Variants in NR6A1 observed in about 807,000 individuals in gnomAD.
NR6A1 encodes the protein retinoic acid receptor-related testis-associated receptor.
In NR6A1, 7 loss-of-function variants were observed where a neutral mutation model predicts 59.1. The observed-to-expected ratio is 0.12, with a 90% CI of 0.07 to 0.22. The LOEUF (loss-of-function observed/expected upper bound fraction) is 0.22. Ranked by LOEUF, NR6A1 falls within the 10% of genes least tolerant of loss-of-function variation. NR6A1 has a pLI of 1.00. For synonymous variants in NR6A1, 243 were observed against 236.1 expected (o/e 1.03, Z -0.27); for missense variants, 468 against 611.6 (o/e 0.77, Z 2.48).
intron 2 of NR6A1, among the ~76,000 whole-genome samples, chr9:124,668,813 T>C (rs59075198): frequency 0.04 from 6,036 of 152,284 alleles, 350 homozygotes; most frequent in African/African-American, 0.12. Flanking sequence ...TGTACATCCC[T>C]GCCAGCAGGG....
intron 1 of NR6A1, among the ~76,000 whole-genome samples, chr9:124,765,833 C>G (rs552984323): frequency 2.7e-4 from 41 of 152,232 alleles, no homozygotes; most frequent in Non-Finnish European, 4.7e-4. Flanking sequence ...AACGAAATAC[C>G]GTAGGAAATG....
At chr9:124,709,069 G>C (rs1839207653) in intron 2 of NR6A1, among the ~76,000 whole-genome samples, 1 of 152,104 alleles carries the variant, frequency 6.6e-6, no homozygotes, top group African/African-American at 2.4e-5. Flanking sequence ...GCATTTCTCA[G>C]ATCCCCATCC....
At chr9:124,626,154 C>T (rs920113404) in intron 2 of NR6A1, among the ~76,000 whole-genome samples, 5 of 152,200 alleles carry the variant, frequency 3.3e-5, no homozygotes, top group Admixed American at 6.5e-5. Flanking sequence ...TACAGGCGCA[C>T]GCCACCATGC....
chr9:124,561,809 G>T (rs144411547), intron 2 of NR6A1, among the ~76,000 whole-genome samples: 40 of 152,282 alleles, frequency 2.6e-4, no homozygotes, highest in African/African-American at 9.4e-4. Flanking sequence ...CTACTCGGGA[G>T]GCTGGGGCAG....
At chr9:124,528,072 C>T (rs528082773) in intron 7 of NR6A1, among the ~76,000 whole-genome samples, 1 of 152,336 alleles carries the variant, frequency 6.6e-6, no homozygotes, top group South Asian at 2.1e-4. Flanking sequence ...GCACTACAGG[C>T]CTGTGCCAAG....
chr9:124,733,813 A>G (rs141786779), intron 1 of NR6A1, among the ~76,000 whole-genome samples: 195 of 152,362 alleles, frequency 1.3e-3, no homozygotes, highest in African/African-American at 4.6e-3. Context: ...AATATCATGT[A>G]AATTTTTCAC....
At chr9:124,700,856 G>T (rs10986403) in intron 2 of NR6A1, among the ~76,000 whole-genome samples, 5,590 of 149,136 alleles carry the variant, frequency 0.037, 329 homozygotes, top group African/African-American at 0.13. Flanking sequence ...TACCTCCCAG[G>T]CTCAAGCGAT....
At chr9:124,722,751 C>CAGACAGGGT (rs1321186567) in intron 2 of NR6A1, among the ~76,000 whole-genome samples, 1 of 152,110 alleles carries the variant, frequency 6.6e-6, no homozygotes, top group African/African-American at 2.4e-5. Context: ...GGGTCTCACT[C>CAGACAGGGT]CCGACACCCA....
intron 5 of NR6A1, 112 bp downstream of exon 5, chr9:124,539,921 C>G: frequency 8.1e-7 from 1 of 1,240,310 alleles, no homozygotes; most frequent in Non-Finnish European, 1.1e-6. Context: ...GAGGGAGCAA[C>G]AGTACAATGG....
intron 2 of NR6A1, among the ~76,000 whole-genome samples, chr9:124,727,241 G>A (rs949593963): frequency 6.6e-6 from 1 of 152,188 alleles, no homozygotes; most frequent in Non-Finnish European, 1.5e-5. Flanking sequence ...TTAGTAGCTT[G>A]TGGGAAAAAA....
chr9:124,606,499 A>C (rs1016115735), intron 2 of NR6A1, among the ~76,000 whole-genome samples: 1 of 152,178 alleles, frequency 6.6e-6, no homozygotes, highest in African/African-American at 2.4e-5. Context: ...AATTCTATAG[A>C]AAGAGCTAAA....
At chr9:124,663,210 CT>C (rs1837499700) in intron 2 of NR6A1, among the ~76,000 whole-genome samples, 1 of 152,202 alleles carries the variant, frequency 6.6e-6, no homozygotes, top group Non-Finnish European at 1.5e-5. Flanking sequence ...ACAAATGGTA[CT>C]ACCCACAAGC....
At chr9:124,532,213 C>T (rs998720673) in intron 7 of NR6A1, among the ~76,000 whole-genome samples, 2 of 152,186 alleles carry the variant, frequency 1.3e-5, no homozygotes, top group Admixed American at 6.5e-5. Flanking sequence ...GCTTTTGATT[C>T]CCTGCACATA....
At chr9:124,693,087 C>T (rs1465857432) in intron 2 of NR6A1, among the ~76,000 whole-genome samples, 2 of 152,180 alleles carry the variant, frequency 1.3e-5, no homozygotes, top group Admixed American at 6.5e-5. Flanking sequence ...CATATCCCCA[C>T]ATATGCTTAT....
At chr9:124,574,364 G>T (rs1304787558) in intron 2 of NR6A1, among the ~76,000 whole-genome samples, 2 of 152,124 alleles carry the variant, frequency 1.3e-5, no homozygotes, top group African/African-American at 4.8e-5. Flanking sequence ...ATTAGATGAG[G>T]AGTAAGAATT....
chr9:124,685,206 A>G (rs1305447035), intron 2 of NR6A1, among the ~76,000 whole-genome samples: 1 of 152,226 alleles, frequency 6.6e-6, no homozygotes, highest in African/African-American at 2.4e-5. Flanking sequence ...GCACCAGAAT[A>G]ATATGAACGC....
rs143796755 is a variant in NR6A1, at chr9:124,741,375, C to A, written c.101-8026G>T. 4.8e-3 allele frequency among the ~76,000 whole-genome samples: 729 copies of A among 152,344 alleles called. 3 individuals are homozygous for A. Among genetic ancestry groups the A allele is most frequent in the Non-Finnish European group, 8.9e-3 (607 of 68,030 alleles). ...GTGTCAGCTGTTATAAGAATAGGTC[C>A]ATCAGCCTGCAAATGCAGTCACTTA... On this transcript the variant is annotated intron_variant, in intron 1 of 9. Coordinates refer to ENST00000487099, the MANE Select transcript of NR6A1 (RefSeq NM_033334.4).
chr9:124,524,255 C>T (rs1173727344), intron 9 of NR6A1, among the ~76,000 whole-genome samples: 1 of 152,040 alleles, frequency 6.6e-6, no homozygotes, highest in Non-Finnish European at 1.5e-5. Flanking sequence ...CTGTGCCCAG[C>T]TAAAGATATC....
chr9:124,771,000 G>T lies in NR6A1; in HGVS notation c.100+20C>A, dbSNP rs1477194485. 1.6e-5 allele frequency: 19 copies of T among 1,209,026 alleles called. No homozygotes were observed. Among genetic ancestry groups the T allele is most frequent in the Non-Finnish European group, 2.0e-5 (19 of 967,466 alleles). The allele number at this position is 1,209,026 out of a possible 1,614,324, so 74.9% of individuals were successfully genotyped here. The stretch of plus-strand genomic sequence containing the variant: ...AAGCCGGTTCCTGCCTGGCCCGGGC[G>T]TCGCAGGCCCCTCACCCACCGTTGC... On this transcript the variant is annotated intron_variant, in intron 1 of 9. Transcript: ENST00000487099.
Sources: allele counts gnomAD v4.1 joint callset (sites outside exome capture counted in the v4.1 genomes callset), GRCh38; gene constraint gnomAD v4.1.1; transcripts MANE v1.5; gene names NCBI Gene and HGNC (gene_info 2026-07-23, HGNC 2026-07-21).